The following CWH43 variants were observed in gnomAD, a reference collection of about 807,000 sequenced individuals.
CWH43 encodes PGAP2-interacting protein.
CWH43 carries 91 observed loss-of-function variants against 85.7 expected under a neutral mutation model. That is an observed-to-expected ratio of 1.06 (90% CI 0.90 to 1.26). The LOEUF (loss-of-function observed/expected upper bound fraction) is 1.26. Among genes scored for constraint, CWH43 ranks in the 50% most tolerant of loss-of-function variants. The probability of loss-of-function intolerance (pLI) is 0.00; values close to 1 mark genes in which losing one functional copy is unlikely to be tolerated. For synonymous variants in CWH43, 323 were observed against 293.6 expected, an observed-to-expected ratio of 1.10 and a Z score of -1.02; for missense variants, 869 against 839.2, an observed-to-expected ratio of 1.04 and a Z score of -0.44.
chr4:49,002,122 A>G (rs906774516), intron 6 of CWH43, among the ~76,000 whole-genome samples: 1 of 152,124 alleles, frequency 6.6e-6, no homozygotes, highest in African/African-American at 2.4e-5. Flanking sequence ...AGTTGCTTTC[A>G]GGAAAGCAAC....
intron 7 of CWH43, among the ~76,000 whole-genome samples, chr4:49,006,476 A>G (rs1783160967): frequency 6.6e-6 from 1 of 152,120 alleles, no homozygotes; most frequent in South Asian, 2.1e-4. Flanking sequence ...TATTTCCTGG[A>G]TTCCTCCTGC....
rs564100890 is a variant in CWH43, at chr4:48,994,044, G to A, written c.512-575G>A. ...CCCAAAGTGCTGGGATTACAGGCTCGAGCCACTGCATCTGGCCCTGTTTTC... is the reference window on the plus strand; with the variant it reads ...CCCAAAGTGCTGGGATTACAGGCTCAAGCCACTGCATCTGGCCCTGTTTTC... On this transcript the variant is annotated intron_variant, in intron 4 of 15. Transcript: ENST00000226432. Among the ~76,000 whole-genome samples, 55 of 152,220 alleles carry A rather than the reference G, an allele frequency of 3.6e-4. 1 individual carries two copies. Among genetic ancestry groups the A allele is most frequent in the Admixed American group, 3.3e-3 (51 of 15,282 alleles).
intron 15 of CWH43, among the ~76,000 whole-genome samples, chr4:49,052,905 T>C (rs1242690286): frequency 6.6e-6 from 1 of 152,208 alleles, no homozygotes; most frequent in Non-Finnish European, 1.5e-5. Flanking sequence ...TCCTGTCTAA[T>C]TGAAACTTTG....
At chr4:49,047,682 G>A (rs532613569) in intron 14 of CWH43, among the ~76,000 whole-genome samples, 1 of 152,204 alleles carries the variant, frequency 6.6e-6, no homozygotes, top group African/African-American at 2.4e-5. Flanking sequence ...GGGTTGGGGT[G>A]GAGTGGGGTG....
chr4:49,030,946 G>T lies in CWH43; in HGVS notation c.1494G>T (p.Arg498Ser), dbSNP rs202214286. The T allele has an allele frequency of 6.9e-6, 11 of 1,597,522 alleles. No homozygotes were observed. In the African/African-American group the frequency reaches 1.1e-4, roughly 16 times the overall value. The change falls in exon 11 of 16, where the codon AGG (arginine) becomes AGT (serine). Residue 498 changes from arginine to serine, a missense_variant. By Grantham distance (110) the Arg-to-Ser change is moderately radical. This residue lies in a region of CWH43 where 577 missense variants were observed against 513.1 expected (regional missense o/e 1.12). Transcript: ENST00000226432. ...ATACAGACTTTGGTCCAAGCACAAGGTATCACACTTGGGGGTGAGTATACC... is the reference window on the plus strand; with the variant it reads ...ATACAGACTTTGGTCCAAGCACAAGTTATCACACTTGGGGGTGAGTATACC... ...GFYTDFGPSTRYHTWGIMALS... is the reference protein window; with the variant it reads ...GFYTDFGPSTSYHTWGIMALS...
Position 48,991,452 on chromosome 4 carries a change from A to G in CWH43, c.236-2A>G. ...GCTTAGCTCTCCCTATTTTGTTTGTAGGCAGCATAGCCTCCTTCCAGGCTC... is the reference window on the plus strand; with the variant it reads ...GCTTAGCTCTCCCTATTTTGTTTGTGGGCAGCATAGCCTCCTTCCAGGCTC... On this transcript the variant is annotated splice_acceptor_variant, in intron 2 of 15. Transcript: ENST00000226432. LOFTEE classifies it high-confidence loss of function. 6.2e-7 allele frequency: 1 copy of G among 1,613,852 alleles called. No individual in the cohort carries two copies. The highest frequency in any genetic ancestry group is 8.5e-7 in the Non-Finnish European group (1 of 1,179,878).
rs116314101 is a variant in CWH43 at position 49,018,761 on chromosome 4, C to T, written c.1266+1433C>T. On this transcript the variant is annotated intron_variant, in intron 9 of 15. Transcript: ENST00000226432. ...TTTGAATTTTAGCAATCTGTACTAG[C>T]GGGAACATTTTTCATTTTGAATAAA... is the stretch of plus-strand genomic sequence containing the variant. Among the ~76,000 whole-genome samples, 1,473 of 152,160 alleles carry T rather than the reference C, an allele frequency of 9.7e-3. 15 individuals are homozygous for T. Among genetic ancestry groups the T allele is most frequent in the African/African-American group, 0.029 (1,223 of 41,516 alleles).
chr4:49,002,172 A>C (rs1425929591), intron 6 of CWH43, among the ~76,000 whole-genome samples: 1 of 152,120 alleles, frequency 6.6e-6, no homozygotes, highest in Non-Finnish European at 1.5e-5. Context: ...ATGCCCCTTG[A>C]CATAAGAGTT....
At chr4:49,029,261 T>C (rs1784014339) in intron 10 of CWH43, among the ~76,000 whole-genome samples, 1 of 152,238 alleles carries the variant, frequency 6.6e-6, no homozygotes, top group African/African-American at 2.4e-5. Context: ...AAACATGTGC[T>C]GTATGGAATC....
chr4:48,995,442 T>A lies in CWH43; in HGVS notation c.713+622T>A, dbSNP rs543432511. Among the ~76,000 whole-genome samples, 6 of 152,316 alleles carry A rather than the reference T, an allele frequency of 3.9e-5. No homozygotes were observed. In the South Asian group the frequency reaches 1.2e-3, roughly 32 times the overall value. On this transcript the variant is annotated intron_variant, in intron 5 of 15. Transcript: ENST00000226432. ...ATCTTTTCTCTTGTAACTGGCTCCATCTCTTCTTGCAAAAAAATTGGAGGA... is the reference window on the plus strand; with the variant it reads ...ATCTTTTCTCTTGTAACTGGCTCCAACTCTTCTTGCAAAAAAATTGGAGGA...
Position 48,986,322 on chromosome 4 carries a change from G to C in CWH43, c.-108G>C, listed in dbSNP as rs1380676967. 1 of 1,078,928 alleles carries C rather than the reference G, an allele frequency of 9.3e-7. No homozygotes were observed. Among genetic ancestry groups the C allele is most frequent in the Non-Finnish European group, 1.3e-6 (1 of 763,900 alleles). 66.8% of individuals were successfully genotyped at this position (1,078,928 alleles called of 1,614,324 possible). On this transcript the variant is annotated 5_prime_UTR_variant, in exon 1 of 16. Coordinates refer to ENST00000226432, the MANE Select transcript of CWH43 (RefSeq NM_025087.3). ...AACGGGACGCGGGAACGAGGGGCGCGGACGCAGGCCCGGGAGGACGCGGCG... is the reference window on the plus strand; with the variant it reads ...AACGGGACGCGGGAACGAGGGGCGCCGACGCAGGCCCGGGAGGACGCGGCG...
In CWH43 at chr4:49,032,810, T is replaced by C. The variant is rs1001537657; in HGVS notation, c.1658+95T>C. ...CTATGAAATCACCTTTCTCATTTTC[T>C]TCTTTTTTACCTCCCAAAGTATTTC... is the stretch of plus-strand genomic sequence containing the variant. On this transcript the variant is annotated intron_variant, in intron 12 of 15. Transcript: ENST00000226432. 2.7e-6 allele frequency: 4 copies of C among 1,467,168 alleles called. No homozygotes were observed. In the African/African-American group the frequency reaches 5.6e-5, roughly 21 times the overall value. The allele number at this position is 1,467,168 out of a possible 1,614,324, so 90.9% of individuals were successfully genotyped here.
chr4:48,990,537 T>C (rs1016594989), intron 2 of CWH43, among the ~76,000 whole-genome samples: 1 of 152,092 alleles, frequency 6.6e-6, no homozygotes, highest in Non-Finnish European at 1.5e-5. Flanking sequence ...ATATTTTAGG[T>C]TAATTACTGT....
At chr4:49,030,753 G>A (rs2109805454) in intron 10 of CWH43, 72 bp from the exon 11 acceptor site, 1 of 1,411,704 alleles carries the variant, frequency 7.1e-7, no homozygotes, top group Non-Finnish European at 9.4e-7. Flanking sequence ...AGGGTCAAGA[G>A]TAAAGTGTTG....
intron 12 of CWH43, among the ~76,000 whole-genome samples, chr4:49,034,131 G>T (rs1164169982): frequency 6.6e-6 from 1 of 152,152 alleles, no homozygotes; most frequent in Non-Finnish European, 1.5e-5. Context: ...TAAGAAGAGT[G>T]TTTGGAGGAT....
intron 13 of CWH43, among the ~76,000 whole-genome samples, chr4:49,043,815 A>G (rs1784541450): frequency 1.3e-5 from 2 of 152,086 alleles, no homozygotes; most frequent in Non-Finnish European, 2.9e-5. Context: ...GTGCTTCTTT[A>G]TTTCCTTCAT....
In CWH43 at chr4:49,030,918, T is replaced by C; in HGVS notation, c.1466T>C (p.Phe489Ser). 6.2e-7 allele frequency: 1 copy of C among 1,611,064 alleles called. No homozygotes were observed. The highest frequency in any genetic ancestry group is 8.5e-7 in the Non-Finnish European group (1 of 1,178,824). ...ATGTGGCTAGGGGAAAAGTTGGGTT[T>C]CTATACAGACTTTGGTCCAAGCACA... ...LTMWLGEKLG[F>S]YTDFGPSTRY... The change falls in exon 11 of 16, where the codon TTC becomes TCC. Residue 489 changes from phenylalanine to serine, a missense_variant. Phe to Ser is a radical substitution (Grantham distance 155). Coordinates refer to ENST00000226432, the MANE Select transcript of CWH43 (RefSeq NM_025087.3).
In CWH43 at chr4:49,032,660, G is replaced by C. The variant is rs181675127; in HGVS notation, c.1603G>C (p.Val535Leu). 14 of 1,614,076 alleles carry C rather than the reference G, an allele frequency of 8.7e-6. No individual in the cohort carries two copies. In the South Asian group the frequency reaches 1.5e-4, roughly 18 times the overall value. ...GEIAPAITLT[V>L]NISGKLVDFV... ...GATCGCACCAGCCATCACATTGACC[G>C]TTAACATTTCGGGCAAGCTGGTGGA... is the stretch of plus-strand genomic sequence containing the variant. Residue 535 changes from valine (V) to leucine (L), a missense_variant, in exon 12 of 16, where the codon GTT becomes CTT. Val to Leu is a conservative substitution (Grantham distance 32). Around this residue, in one of 3 missense-constraint regions of CWH43, gnomAD observed 577 missense variants for 513.1 expected, o/e 1.12. Coordinates refer to ENST00000226432, the MANE Select transcript of CWH43 (RefSeq NM_025087.3).
intron 7 of CWH43, among the ~76,000 whole-genome samples, chr4:49,004,942 G>C (rs1783109497): frequency 6.6e-6 from 1 of 151,858 alleles, no homozygotes; most frequent in Non-Finnish European, 1.5e-5. Flanking sequence ...TACAATTATT[G>C]GTGTATACTA....
Sources: gnomAD v4.1 joint callset for allele counts (sites outside exome capture counted in the v4.1 genomes callset) on GRCh38, gnomAD v4.1.1 for gene constraint, gnomAD v4.1.1 regional missense constraint, MANE v1.5 for transcripts, NCBI Gene and HGNC (gene_info 2026-07-23, HGNC 2026-07-21) for gene names.